DMD: variants seen among roughly 807,000 people sequenced by gnomAD.
DMD encodes the protein mutant dystrophin.
In DMD, 63 loss-of-function variants were observed where a neutral mutation model predicts 330.1. The observed-to-expected ratio is 0.19, with a 90% confidence interval of 0.16 to 0.24. The LOEUF is 0.24. Ranked by LOEUF, DMD falls within the 10% of genes least tolerant of loss-of-function variation. The probability of loss-of-function intolerance (pLI) is 1.00; values close to 1 mark genes in which losing one functional copy is unlikely to be tolerated. For synonymous variants in DMD, 1,223 were observed against 959.8 expected (o/e 1.27, Z -5.07); for missense variants, 3,344 against 2,684.1 (o/e 1.25, Z -5.43).
At chrX:31,890,391 A>G (rs955179340) in intron 47 of DMD, among the ~76,000 whole-genome samples, 1 of 110,488 alleles carries the variant, frequency 9.1e-6, no homozygotes, top group Non-Finnish European at 1.9e-5. Context: ...AGAAAGAAAG[A>G]AAAAAGAAAA....
intron 1 of DMD, among the ~76,000 whole-genome samples, chrX:33,281,733 T>C (rs771148241): frequency 5.5e-5 from 6 of 109,396 alleles, no homozygotes; most frequent in Non-Finnish European, 1.1e-4. Context: ...CGTAGTTCAA[T>C]ACACAGGTGC....
chrX:32,714,815 T>C (rs1454886621), intron 7 of DMD, among the ~76,000 whole-genome samples: 1 of 112,100 alleles, frequency 8.9e-6, no homozygotes, highest in Admixed American at 9.5e-5. Flanking sequence ...CTTCTCTTTT[T>C]TAAAAATAAT....
chrX:31,145,331 A>T lies in DMD; in HGVS notation c.10921+960T>A, dbSNP rs183318566. 4.3e-3 allele frequency among the ~76,000 whole-genome samples: 475 copies of T among 111,243 alleles called. 4 individuals carry two copies. Among genetic ancestry groups the T allele is most frequent in the Middle Eastern group, 0.014 (3 of 217 alleles). On this transcript the variant is annotated intron_variant, in intron 76 of 78. Coordinates refer to ENST00000357033, the MANE Select transcript of DMD (RefSeq NM_004006.3). ...ACATCTTCCTTGAACCTCCCTACTTATCCATCCTTTACTATCCCATTACCC... is the reference window on the plus strand; with the variant it reads ...ACATCTTCCTTGAACCTCCCTACTTTTCCATCCTTTACTATCCCATTACCC...
At chrX:33,225,191 AAAAATTTATGTGAAAAGGCACTCT>A (rs1603421473) in intron 1 of DMD, among the ~76,000 whole-genome samples, 1 of 111,847 alleles carries the variant, frequency 8.9e-6, no homozygotes, top group East Asian at 2.8e-4. Flanking sequence ...TAGGTGTAGG[AAAAATTTATGTGAAAAGGCACTCT>A]AAAATTTATG....
chrX:31,551,391 A>C (rs774377530), intron 55 of DMD, among the ~76,000 whole-genome samples: 1 of 110,467 alleles, frequency 9.1e-6, no homozygotes, highest in African/African-American at 3.3e-5. Context: ...GGCTTGGTCC[A>C]TGTGCCCATC....
intron 7 of DMD, among the ~76,000 whole-genome samples, chrX:32,714,537 C>A: frequency 9.0e-6 from 1 of 111,608 alleles, no homozygotes; most frequent in South Asian, 3.7e-4. Flanking sequence ...ATTATATATA[C>A]ACACCACATT....
At chrX:32,985,671 T>C (rs2092825702) in intron 2 of DMD, among the ~76,000 whole-genome samples, 1 of 111,953 alleles carries the variant, frequency 8.9e-6, no homozygotes, top group South Asian at 3.7e-4. Flanking sequence ...TTCAACATAA[T>C]AGGACAGCCC....
chrX:32,680,647 A>C (rs2062341474), intron 9 of DMD, among the ~76,000 whole-genome samples: 2 of 112,403 alleles, frequency 1.8e-5, no homozygotes, highest in African/African-American at 6.5e-5. Context: ...ATTTAATATT[A>C]CTTCAAAAAT....
intron 7 of DMD, among the ~76,000 whole-genome samples, chrX:32,752,469 T>A (rs2070951210): frequency 9.2e-6 from 1 of 108,929 alleles, no homozygotes; most frequent in South Asian, 4.1e-4. Flanking sequence ...ACCCAATGCC[T>A]GTAACCCCAC....
At chrX:31,765,852 A>T (rs1434398127) in intron 51 of DMD, among the ~76,000 whole-genome samples, 1 of 111,274 alleles carries the variant, frequency 9.0e-6, no homozygotes, top group African/African-American at 3.3e-5. Flanking sequence ...ATAGTCTTCA[A>T]CCTGACTCTA....
chrX:31,234,396 T>G (rs778987609), intron 63 of DMD, among the ~76,000 whole-genome samples: 20 of 112,571 alleles, frequency 1.8e-4, no homozygotes, highest in Non-Finnish European at 3.7e-4. Flanking sequence ...CTTTTACTAA[T>G]GCATTCAAAC....
rs893500743 is a variant in DMD at position 32,312,718 on chromosome X, C to T, written c.5923-2442G>A. Among the ~76,000 whole-genome samples, 10 of 107,325 alleles carry T rather than the reference C, an allele frequency of 9.3e-5. No homozygotes were observed. In the East Asian group the frequency reaches 3.0e-3, roughly 32 times the overall value. The allele number at this position is 107,325 out of a possible 115,157, so 93.2% of individuals were successfully genotyped here. A position where few individuals can be genotyped will look rare whatever the true frequency, so the allele number is the denominator to read the frequency against. On this transcript the variant is annotated intron_variant, in intron 41 of 78. Transcript: ENST00000357033. ...AGAAAAGAGAAAAGAATCAAAGAGG[C>T]ACAATAAAAAATGATAAAGGGGATA...
chrX:33,034,520 C>G (rs1352693121), intron 1 of DMD, among the ~76,000 whole-genome samples: 1 of 112,123 alleles, frequency 8.9e-6, no homozygotes, highest in Non-Finnish European at 1.9e-5. Context: ...AACCCTGGCT[C>G]TAACACTAAC....
intron 74 of DMD, among the ~76,000 whole-genome samples, chrX:31,158,983 A>G (rs1433308027): frequency 8.9e-6 from 1 of 112,248 alleles, no homozygotes; most frequent in African/African-American, 3.2e-5. Context: ...AAACAGGTAT[A>G]TTAAGGGATT....
At chrX:32,544,695 C>T (rs943934746) in intron 17 of DMD, among the ~76,000 whole-genome samples, 4 of 110,468 alleles carry the variant, frequency 3.6e-5, no homozygotes, top group Non-Finnish European at 7.6e-5. Context: ...ATTTAGGATG[C>T]GCAGACTGAG....
intron 1 of DMD, among the ~76,000 whole-genome samples, chrX:33,035,281 T>C (rs996791757): frequency 3.4e-4 from 38 of 111,745 alleles, no homozygotes; most frequent in Non-Finnish European, 5.7e-5. Context: ...TTTATGGATA[T>C]ACACACAGTA....
At chrX:31,775,603 A>G (rs5927040) in intron 50 of DMD, among the ~76,000 whole-genome samples, 30,321 of 110,404 alleles carry the variant, frequency 0.27, 3,231 homozygotes, top group African/African-American at 0.37. Flanking sequence ...TGTAGTTTGG[A>G]ATGAAAGGTT....
intron 55 of DMD, among the ~76,000 whole-genome samples, chrX:31,571,254 G>GGTGTGTGTGTGTGTGTGTGT (rs371098859): frequency 5.1e-4 from 46 of 90,450 alleles, no homozygotes; most frequent in Admixed American, 2.9e-3. Context: ...GATTTAAAGG[G>GGTGTGTGTGTGTGTGTGTGT]GTGTGTGTGT....
intron 4 of DMD, among the ~76,000 whole-genome samples, chrX:32,836,789 A>G (rs1359556676): frequency 8.9e-6 from 1 of 112,372 alleles, no homozygotes; most frequent in East Asian, 2.8e-4. Context: ...TTCTACTGTT[A>G]TTAAATAACA....
Sources: allele counts gnomAD v4.1 joint callset (sites outside exome capture counted in the v4.1 genomes callset), GRCh38; gene constraint gnomAD v4.1.1; transcripts MANE v1.5; gene names NCBI Gene and HGNC (gene_info 2026-07-23, HGNC 2026-07-21).